Variants in CAMTA1 observed in about 807,000 individuals in gnomAD.
CAMTA1 encodes calmodulin-binding transcription activator 1.
CAMTA1 carries 27 observed loss-of-function variants against 170.9 expected under a neutral mutation model. The ratio of observed to expected loss-of-function variants is 0.16; its 90% CI spans 0.12 to 0.22. The LOEUF is 0.22. Among genes scored for constraint, CAMTA1 ranks in the 10% least tolerant of loss-of-function variants. The probability of loss-of-function intolerance (pLI) is 1.00; values close to 1 mark genes in which losing one functional copy is unlikely to be tolerated. For missense variants in CAMTA1, 1,619 were observed against 2,217.2 expected (o/e 0.73, Z 5.42); for synonymous variants, 833 against 891.5 (o/e 0.93, Z 1.17).
chr1:7,287,720 G>T (rs1284774443), intron 5 of CAMTA1, among the ~76,000 whole-genome samples: 2 of 152,170 alleles, frequency 1.3e-5, no homozygotes, highest in Non-Finnish European at 2.9e-5. Context: ...CACTCACATT[G>T]CAACTCTTGT....
At chr1:6,929,935 C>T (rs909713614) in intron 3 of CAMTA1, among the ~76,000 whole-genome samples, 9 of 152,202 alleles carry the variant, frequency 5.9e-5, no homozygotes, top group South Asian at 2.1e-4. Flanking sequence ...CATTTGCCCT[C>T]GGTGGAACTT....
intron 5 of CAMTA1, among the ~76,000 whole-genome samples, chr1:7,401,186 G>C (rs115442819): frequency 6.6e-6 from 1 of 151,884 alleles, no homozygotes; most frequent in East Asian, 1.9e-4. Flanking sequence ...ATTTGTATAC[G>C]GTGCAAGGTA....
At chr1:7,266,719 G>A (rs996039858) in intron 5 of CAMTA1, among the ~76,000 whole-genome samples, 1 of 152,230 alleles carries the variant, frequency 6.6e-6, no homozygotes, top group African/African-American at 2.4e-5. Flanking sequence ...GACGGAGGAG[G>A]CAGGAACATT....
intron 3 of CAMTA1, among the ~76,000 whole-genome samples, chr1:6,979,894 T>C (rs1035061005): frequency 1.3e-5 from 2 of 152,194 alleles, no homozygotes; most frequent in African/African-American, 4.8e-5. Flanking sequence ...TCCCCTCATC[T>C]AGCTTTCCTG....
Position 7,766,587 on chromosome 1 carries a change from A to ACACACG in CAMTA1, c.*102_*107dup. The ACACACG allele has an allele frequency of 2.0e-6, 2 of 976,926 alleles. No individual in the cohort carries two copies. The highest frequency in any genetic ancestry group is 3.3e-6 in the Non-Finnish European group (2 of 607,300). 60.5% of individuals were successfully genotyped at this position (976,926 alleles called of 1,614,324 possible). A position where few individuals can be genotyped will look rare whatever the true frequency, so the allele number is the denominator to read the frequency against. On this transcript the variant is annotated 3_prime_UTR_variant, in exon 23 of 23. Coordinates refer to ENST00000303635, the MANE Select transcript of CAMTA1 (RefSeq NM_015215.4). ...AGACATGCAACAACAACACACACGC[A>ACACACG]CACACGCACACACACACACGTACAC...
At chr1:7,510,070 G>A (rs1055972339) in intron 6 of CAMTA1, among the ~76,000 whole-genome samples, 1 of 141,218 alleles carries the variant, frequency 7.1e-6, no homozygotes, top group African/African-American at 2.5e-5. Flanking sequence ...ACAAGCTCCT[G>A]ACCCAGTGAC....
At chr1:7,506,446 TCAAAATTCACAC>T (rs2094111551) in intron 6 of CAMTA1, among the ~76,000 whole-genome samples, 1 of 151,436 alleles carries the variant, frequency 6.6e-6, no homozygotes, top group Non-Finnish European at 1.5e-5. Context: ...AAATTCACAC[TCAAAATTCACAC>T]TCTCATACTA....
At chr1:6,912,558 A>G (rs759572099) in intron 3 of CAMTA1, among the ~76,000 whole-genome samples, 3 of 152,204 alleles carry the variant, frequency 2.0e-5, no homozygotes, top group Non-Finnish European at 4.4e-5. Flanking sequence ...TTCTCATGCC[A>G]TAGTAAAGAA....
chr1:7,471,083 A>G (rs2093321898), intron 6 of CAMTA1, among the ~76,000 whole-genome samples: 1 of 152,214 alleles, frequency 6.6e-6, no homozygotes, highest in African/African-American at 2.4e-5. Flanking sequence ...ATTGGTGCCA[A>G]GATTTACAGA....
chr1:7,664,795 C>T lies in CAMTA1; in HGVS notation c.2248C>T (p.Pro750Ser). ...VVQGLYPVAQ[P>S]SLGNASNMEL... ...GCAGGGACTCTACCCCGTGGCCCAGCCCAGCCTCGGCAACGCCTCCAACAT... is the reference window on the plus strand; with the variant it reads ...GCAGGGACTCTACCCCGTGGCCCAGTCCAGCCTCGGCAACGCCTCCAACAT... The change falls in exon 9 of 23, where the codon CCC (proline) becomes TCC (serine). Residue 750 changes from proline to serine, a missense_variant. Physicochemically the swap from Pro to Ser is moderately conservative, Grantham distance 74 (BLOSUM62 -1). This residue lies in a region of CAMTA1 where 731 missense variants were observed against 907.6 expected (regional missense o/e 0.81). Transcript: ENST00000303635. 6.2e-7 allele frequency: 1 copy of T among 1,612,852 alleles called. No individual in the cohort carries two copies. Among genetic ancestry groups the T allele is most frequent in the Non-Finnish European group, 8.5e-7 (1 of 1,179,638 alleles).
intron 4 of CAMTA1, among the ~76,000 whole-genome samples, chr1:7,188,351 T>G (rs1175395915): frequency 2.0e-5 from 3 of 152,236 alleles, no homozygotes. Flanking sequence ...CATTTTCCAC[T>G]GTACCATTCA....
intron 6 of CAMTA1, among the ~76,000 whole-genome samples, chr1:7,558,774 G>A (rs1557914207): frequency 6.6e-6 from 1 of 152,242 alleles, no homozygotes; most frequent in African/African-American, 2.4e-5. Context: ...CTCGCCTGCC[G>A]AGGCTGTCAG....
chr1:7,449,863 G>A (rs1233425064), intron 5 of CAMTA1, among the ~76,000 whole-genome samples: 7 of 151,696 alleles, frequency 4.6e-5, no homozygotes, highest in Non-Finnish European at 1.0e-4. Context: ...AGCAGCCCCC[G>A]AGGAGTATGA....
In CAMTA1 at chr1:7,146,473, C is replaced by T. The variant is rs566447917; in HGVS notation, c.302+55102C>T. ...GGGGAAAGTCTGGGAATATCTGTTT[C>T]GGTGCTTTGCTGAGAACCAGTTAGG... On this transcript the variant is annotated intron_variant, in intron 4 of 22. Transcript: ENST00000303635. The surrounding 1 kb of genome is among the most constrained non-coding windows in gnomAD (Gnocchi z 4.3). Among the ~76,000 whole-genome samples, 6 of 152,290 alleles carry T rather than the reference C, an allele frequency of 3.9e-5. No homozygotes were observed. Among genetic ancestry groups the T allele is most frequent in the East Asian group, 1.9e-4 (1 of 5,184 alleles).
At chr1:7,268,262 G>T (rs947995371) in intron 5 of CAMTA1, among the ~76,000 whole-genome samples, 2 of 20,886 alleles carry the variant, frequency 9.6e-5, no homozygotes, top group Non-Finnish European at 1.7e-4. Context: ...GAGTACAGAG[G>T]AGAAGGGGGG....
At chr1:7,189,884 T>C (rs777791048) in intron 4 of CAMTA1, among the ~76,000 whole-genome samples, 10 of 152,218 alleles carry the variant, frequency 6.6e-5, no homozygotes, top group Non-Finnish European at 1.2e-4. Flanking sequence ...AACCCAAATG[T>C]CCATCAGTCA....
chr1:7,699,531 C>T (rs1356080349), intron 11 of CAMTA1, among the ~76,000 whole-genome samples: 2 of 152,112 alleles, frequency 1.3e-5, no homozygotes, highest in South Asian at 2.1e-4. Flanking sequence ...TGGATATATA[C>T]CTAGGAATGG....
intron 1 of CAMTA1, among the ~76,000 whole-genome samples, chr1:6,808,144 G>C (rs1240278860): frequency 6.6e-6 from 1 of 152,106 alleles, no homozygotes; most frequent in East Asian, 1.9e-4. Flanking sequence ...TCGGAAAGTA[G>C]GTAGGGGTCA....
intron 5 of CAMTA1, among the ~76,000 whole-genome samples, chr1:7,458,943 C>T (rs953101240): frequency 2.0e-5 from 3 of 152,226 alleles, no homozygotes; most frequent in African/African-American, 4.8e-5. Context: ...AGTTCTGAGG[C>T]GCCATGCTTT....
Sources: gnomAD v4.1 joint callset for allele counts (sites outside exome capture counted in the v4.1 genomes callset) on GRCh38, gnomAD v4.1.1 for gene constraint, gnomAD v4.1.1 regional missense constraint, Gnocchi (gnomAD v3.1) non-coding constraint, MANE v1.5 for transcripts, NCBI Gene and HGNC (gene_info 2026-07-23, HGNC 2026-07-21) for gene names.